NNMT: variants seen among roughly 807,000 people sequenced by gnomAD.
The protein encoded by NNMT is nicotinamide N-methyltransferase.
A neutral mutation model predicts 11.7 loss-of-function variants in NNMT; 10 were observed. The observed-to-expected ratio is 0.85, with a 90% CI of 0.53 to 1.45. The LOEUF (loss-of-function observed/expected upper bound fraction) is 1.45, where lower values mean the gene tolerates loss of function less well. NNMT is among the 40% of genes most tolerant of loss of function. NNMT has a pLI of 0.00. For synonymous variants in NNMT, 143 were observed against 133.8 expected (o/e 1.07, Z -0.48); for missense variants, 381 against 319.4 (o/e 1.19, Z -1.47).
Position 114,298,121 on chromosome 11 carries a change from C to T in NNMT, c.325C>T (p.Pro109Ser), listed in dbSNP as rs1167168437. Residue 109 changes from proline (P) to serine (S), a missense_variant, in exon 2 of 3, where the codon CCA becomes TCA. Coordinates refer to ENST00000299964, the MANE Select transcript of NNMT (RefSeq NM_006169.3). Reference protein sequence around the residue: ...KKEPEAFDWSPVVTYVCDLEG... With the variant: ...KKEPEAFDWSSVVTYVCDLEG... ...AGAGCCAGAGGCCTTTGACTGGTCC[C>T]CAGTGGTGACCTATGTGTGTGATCT... 1.9e-6 allele frequency: 3 copies of T among 1,614,118 alleles called. No individual in the cohort carries two copies. In the South Asian group the frequency reaches 3.3e-5, roughly 18 times the overall value.
chr11:114,284,754 A>G (rs535687799), intron 2 of NNMT, among the ~76,000 whole-genome samples: 11 of 111,862 alleles, frequency 9.8e-5, no homozygotes, highest in South Asian at 2.9e-4. Context: ...GAGCCACTGC[A>G]CCCGGCCATC....
chr11:114,273,876 A>G (rs1029621268), intron 2 of NNMT, among the ~76,000 whole-genome samples: 1 of 152,164 alleles, frequency 6.6e-6, no homozygotes, highest in African/African-American at 2.4e-5. Flanking sequence ...AGATGGTCTC[A>G]GTGGGGCCAT....
intron 2 of NNMT, among the ~76,000 whole-genome samples, chr11:114,289,613 T>C (rs1945321138): frequency 6.6e-6 from 1 of 152,234 alleles, no homozygotes; most frequent in Non-Finnish European, 1.5e-5. Flanking sequence ...CTTTGACCCA[T>C]AGGTTGTTTG....
intron 2 of NNMT, chr11:114,269,389 A>G (rs550678700): frequency 6.6e-6 from 1 of 152,300 alleles, no homozygotes; most frequent in South Asian, 2.1e-4. Flanking sequence ...AGTTCCTGTC[A>G]AGTTATCTGG....
intron 1 of NNMT, among the ~76,000 whole-genome samples, chr11:114,261,500 C>G (rs552883260): frequency 7.2e-5 from 11 of 152,316 alleles, no homozygotes; most frequent in Non-Finnish European, 4.4e-5. Context: ...AGGAGAATCG[C>G]TTGAACCCGG....
chr11:114,267,256 C>T (rs1945129085), intron 2 of NNMT, among the ~76,000 whole-genome samples: 2 of 152,226 alleles, frequency 1.3e-5, no homozygotes, highest in African/African-American at 4.8e-5. Flanking sequence ...CAGAGCGAGA[C>T]TCCATCTCAA....
intron 2 of NNMT, among the ~76,000 whole-genome samples, chr11:114,301,111 A>AT (rs1945434398): frequency 6.6e-6 from 1 of 152,214 alleles, no homozygotes; most frequent in Non-Finnish European, 1.5e-5. Flanking sequence ...AATGCTGATG[A>AT]GGCTGTGGGG....
chr11:114,296,521 G>T lies in NNMT; in HGVS notation c.-36G>T. On this transcript the variant is annotated 5_prime_UTR_variant, in exon 1 of 3. Coordinates refer to ENST00000299964, the MANE Select transcript of NNMT (RefSeq NM_006169.3). Reference sequence around the variant, plus strand: ...CCCTGGCTTCTGGAGGAAAGAGAAGGAGGGCAGTGCTCCAGTGGTACAGAA... The same window carrying T: ...CCCTGGCTTCTGGAGGAAAGAGAAGTAGGGCAGTGCTCCAGTGGTACAGAA... The T allele has an allele frequency of 6.2e-7, 1 of 1,604,460 alleles. No individual in the cohort carries two copies.
Position 114,273,983 on chromosome 11 carries a change from G to A in NNMT, c.-130+11049G>A, listed in dbSNP as rs1332687762. On this transcript the variant is annotated intron_variant, in intron 2 of 4. Coordinates refer to the NNMT transcript ENST00000535401. ...ACAGGTAATTTACAGTGGTCAATTGGCAGTTGAAGTGACAAAGCTTGTTCT... is the reference window on the plus strand; with the variant it reads ...ACAGGTAATTTACAGTGGTCAATTGACAGTTGAAGTGACAAAGCTTGTTCT... Among the ~76,000 whole-genome samples the A allele has an allele frequency of 2.0e-5, 3 of 152,164 alleles. No homozygotes were observed. The East Asian group carries it at 5.8e-4, about 29-fold the overall frequency.
intron 2 of NNMT, among the ~76,000 whole-genome samples, chr11:114,285,994 C>T (rs1269725027): frequency 6.6e-6 from 1 of 152,206 alleles, no homozygotes; most frequent in East Asian, 1.9e-4. Context: ...GGACTTCTTC[C>T]AGCATTGGAA....
intron 1 of NNMT, among the ~76,000 whole-genome samples, chr11:114,259,611 G>A (rs1017026393): frequency 1.3e-5 from 2 of 152,138 alleles, no homozygotes; most frequent in Admixed American, 6.5e-5. Flanking sequence ...CAGCCCCGCC[G>A]CCATCCCCAC....
chr11:114,261,296 TTG>T (rs1337825210), intron 1 of NNMT, among the ~76,000 whole-genome samples: 2 of 152,170 alleles, frequency 1.3e-5, no homozygotes, highest in Non-Finnish European at 2.9e-5. Flanking sequence ...AAAAGCTGCC[TTG>T]GGGCCGGGCG....
At chr11:114,285,276 T>C (rs1249890815) in intron 2 of NNMT, among the ~76,000 whole-genome samples, 1 of 152,148 alleles carries the variant, frequency 6.6e-6, no homozygotes, top group Non-Finnish European at 1.5e-5. Context: ...TCTTTGTGGC[T>C]ATGGATTTTC....
rs553770259 is a variant in NNMT, at chr11:114,297,088, A to G, written c.154+378A>G. 1.2e-4 allele frequency among the ~76,000 whole-genome samples: 18 copies of G among 152,336 alleles called. No individual in the cohort carries two copies. The South Asian group carries it at 2.9e-3, about 25-fold the overall frequency. ...ATATGCATGAGATAAAGACCTCCCAATATATGAAGAACTGGGTGATTTTTG... is the reference window on the plus strand; with the variant it reads ...ATATGCATGAGATAAAGACCTCCCAGTATATGAAGAACTGGGTGATTTTTG... On this transcript the variant is annotated intron_variant, in intron 1 of 2. Transcript: ENST00000299964.
At chr11:114,266,573 C>T (rs1386782732) in intron 2 of NNMT, among the ~76,000 whole-genome samples, 1 of 151,468 alleles carries the variant, frequency 6.6e-6, no homozygotes, top group East Asian at 1.9e-4. Flanking sequence ...GCATGGCTGC[C>T]TCCTTCACAT....
intron 2 of NNMT, among the ~76,000 whole-genome samples, chr11:114,283,980 G>A (rs949006271): frequency 1.1e-4 from 17 of 152,162 alleles, no homozygotes; most frequent in African/African-American, 2.4e-4. Context: ...GTATCGTACC[G>A]TTACAGTAAT....
intron 2 of NNMT, among the ~76,000 whole-genome samples, chr11:114,283,170 G>C (rs979253120): frequency 2.6e-5 from 4 of 152,140 alleles, no homozygotes; most frequent in African/African-American, 9.7e-5. Flanking sequence ...CTACTACTGG[G>C]AATGCCCCCC....
intron 2 of NNMT, among the ~76,000 whole-genome samples, chr11:114,299,900 T>C (rs963993763): frequency 5.9e-5 from 9 of 152,032 alleles, no homozygotes; most frequent in African/African-American, 1.9e-4. Flanking sequence ...TTGTTTTCTT[T>C]CTGTTGTCTT....
intron 2 of NNMT, among the ~76,000 whole-genome samples, chr11:114,281,595 A>G (rs1945263797): frequency 2.6e-5 from 4 of 152,210 alleles, no homozygotes; most frequent in Admixed American, 2.6e-4. Context: ...AAGTCAAGAC[A>G]CAACATGAGA....
Sources: gnomAD v4.1 joint callset for allele counts (sites outside exome capture counted in the v4.1 genomes callset) on GRCh38, gnomAD v4.1.1 for gene constraint, MANE v1.5 for transcripts, NCBI Gene and HGNC (gene_info 2026-07-23, HGNC 2026-07-21) for gene names.